Variants in KSR1 observed in about 807,000 individuals in gnomAD.
The protein encoded by KSR1 is kinase suppressor of ras 1.
KSR1 carries 35 observed loss-of-function variants against 92.9 expected under a neutral mutation model. That is an observed-to-expected ratio of 0.38 (90% CI 0.29 to 0.50). The LOEUF is 0.50. Among genes scored for constraint, KSR1 ranks in the 20% least tolerant of loss-of-function variants. The probability of loss-of-function intolerance (pLI) is 0.94; values close to 1 mark genes in which losing one functional copy is unlikely to be tolerated. For missense variants in KSR1, 972 were observed against 1,158.5 expected, an observed-to-expected ratio of 0.84 and a Z score of 2.34; for synonymous variants, 467 against 472.6, an observed-to-expected ratio of 0.99 and a Z score of 0.15.
chr17:27,495,578 C>T (rs148620621), intron 1 of KSR1, among the ~76,000 whole-genome samples: 6 of 152,282 alleles, frequency 3.9e-5, no homozygotes, highest in East Asian at 1.9e-4. Flanking sequence ...GATCATTTCT[C>T]GTGTCCCTTC....
intron 2 of KSR1, among the ~76,000 whole-genome samples, chr17:27,572,040 C>T (rs929720807): frequency 4.6e-5 from 7 of 152,200 alleles, no homozygotes; most frequent in African/African-American, 9.6e-5. Context: ...GGGGGTAGCA[C>T]GTTGCCCAAA....
intron 1 of KSR1, among the ~76,000 whole-genome samples, chr17:27,489,532 T>G (rs2068760112): frequency 6.6e-6 from 1 of 152,208 alleles, no homozygotes; most frequent in Non-Finnish European, 1.5e-5. Context: ...CTTCATCCCC[T>G]CTTTAGACTA....
At chr17:27,558,911 C>T (rs369387925) in intron 2 of KSR1, among the ~76,000 whole-genome samples, 2 of 152,152 alleles carry the variant, frequency 1.3e-5, no homozygotes, top group South Asian at 4.1e-4. Context: ...CTGACCTTGA[C>T]TCTTCATGGC....
intron 2 of KSR1, among the ~76,000 whole-genome samples, chr17:27,564,580 T>A (rs2071981939): frequency 6.6e-6 from 1 of 152,208 alleles, no homozygotes; most frequent in Non-Finnish European, 1.5e-5. Context: ...CACAGGCAGC[T>A]GAGCCTCACT....
At chr17:27,564,968 C>G (rs748971360) in intron 2 of KSR1, among the ~76,000 whole-genome samples, 1 of 152,140 alleles carries the variant, frequency 6.6e-6, no homozygotes, top group Non-Finnish European at 1.5e-5. Context: ...TTATTTCTCT[C>G]ACTATGAAAT....
Position 27,603,974 on chromosome 17 carries a change from C to G in KSR1, c.1565+86C>G, listed in dbSNP as rs536389974. 1.5e-4 allele frequency: 201 copies of G among 1,333,744 alleles called. 2 individuals carry two copies. The South Asian group carries it at 2.3e-3, about 15-fold the overall frequency. The allele number at this position is 1,333,744 out of a possible 1,614,324, so 82.6% of individuals were successfully genotyped here. On this transcript the variant is annotated intron_variant, in intron 12 of 20. Coordinates refer to ENST00000644974, the MANE Select transcript of KSR1 (RefSeq NM_001394583.1). ...TATCCCTGGCCACCTCCCACTCCAC[C>G]TTTCCATCTCCAGCCAGCCAGATGC...
Position 27,556,165 on chromosome 17 carries a change from A to G in KSR1, c.372+5457A>G, listed in dbSNP as rs1157863734. On this transcript the variant is annotated intron_variant, in intron 2 of 20. Coordinates refer to ENST00000644974, the MANE Select transcript of KSR1 (RefSeq NM_001394583.1). ...GGCTGGATTTTAGTGAATGTTTCCAAAGTGTCTTTTAAAATACAATAAAAG... is the reference window on the plus strand; with the variant it reads ...GGCTGGATTTTAGTGAATGTTTCCAGAGTGTCTTTTAAAATACAATAAAAG... Among the ~76,000 whole-genome samples, 4 of 152,228 alleles carry G rather than the reference A, an allele frequency of 2.6e-5. No homozygotes were observed. In the East Asian group the frequency reaches 5.8e-4, roughly 22 times the overall value.
intron 1 of KSR1, among the ~76,000 whole-genome samples, chr17:27,484,262 C>T (rs538822942): frequency 2.0e-4 from 31 of 152,308 alleles, no homozygotes; most frequent in African/African-American, 6.3e-4. Flanking sequence ...GACAGGTTCT[C>T]GCTCTGTCGC....
chr17:27,598,463 A>G (rs930004640), intron 10 of KSR1, among the ~76,000 whole-genome samples: 1 of 152,110 alleles, frequency 6.6e-6, no homozygotes, highest in African/African-American at 2.4e-5. Flanking sequence ...GACGGTGGAG[A>G]CGGAGATCTT....
intron 1 of KSR1, among the ~76,000 whole-genome samples, chr17:27,506,068 C>T (rs56214005): frequency 0.47 from 71,860 of 152,068 alleles, 18,685 homozygotes; most frequent in East Asian, 0.69. Flanking sequence ...GGTTCAGGGC[C>T]CCCACCTAAC....
In KSR1 at chr17:27,605,467, G is replaced by A. The variant is rs1414314328; in HGVS notation, c.1648G>A (p.Glu550Lys). The A allele has an allele frequency of 3.7e-6, 6 of 1,609,316 alleles. No individual in the cohort carries two copies. Among genetic ancestry groups the A allele is most frequent in the Admixed American group, 3.4e-5 (2 of 59,558 alleles). ...GCCAGAGGCTGGCAAGTCAGAGGCA[G>A]AAGACGATGAGGACGAGGTGGACGA... ...EEPEAGKSEAEDDEDEVDDLP... is the reference protein window; with the variant it reads ...EEPEAGKSEAKDDEDEVDDLP... Residue 550 changes from glutamate to lysine, a missense_variant, in exon 14 of 21, where the codon GAA becomes AAA. This residue lies in a region of KSR1 where 611 missense variants were observed against 668.0 expected (regional missense o/e 0.91). Transcript: ENST00000644974.
chr17:27,595,335 C>T lies in KSR1; in HGVS notation c.1300-1933C>T, dbSNP rs536266836. 2.0e-5 allele frequency among the ~76,000 whole-genome samples: 3 copies of T among 152,350 alleles called. No homozygotes were observed. In the South Asian group the frequency reaches 6.2e-4, roughly 32 times the overall value. On this transcript the variant is annotated intron_variant, in intron 9 of 20. Coordinates refer to ENST00000644974, the MANE Select transcript of KSR1 (RefSeq NM_001394583.1). Reference sequence around the variant, plus strand: ...TTCTGGGTGCTCCTAGCTAGCAGGTCTGCAAAAGAATGTGGAACAAACATG... The same window carrying T: ...TTCTGGGTGCTCCTAGCTAGCAGGTTTGCAAAAGAATGTGGAACAAACATG...
intron 12 of KSR1, among the ~76,000 whole-genome samples, chr17:27,604,277 A>G (rs1567879145): frequency 6.6e-6 from 1 of 152,194 alleles, no homozygotes; most frequent in Non-Finnish European, 1.5e-5. Context: ...TGTCATTCTT[A>G]ACATACAGCC....
At chr17:27,568,804 T>C (rs1028627905) in intron 2 of KSR1, among the ~76,000 whole-genome samples, 4 of 152,204 alleles carry the variant, frequency 2.6e-5, no homozygotes, top group African/African-American at 9.6e-5. Flanking sequence ...GTGTCCCTGT[T>C]GAGGGGCACG....
chr17:27,611,664 CTGGAGGTGGGG>C, intron 18 of KSR1, 35 bp downstream of exon 18: 1 of 1,612,254 alleles, frequency 6.2e-7, no homozygotes, highest in Non-Finnish European at 8.5e-7. Flanking sequence ...AGCAGTAGGG[CTGGAGGTGGGG>C]TGGGGCATGT....
intron 9 of KSR1, among the ~76,000 whole-genome samples, chr17:27,596,201 A>G (rs1266670551): frequency 6.6e-6 from 1 of 152,252 alleles, no homozygotes; most frequent in African/African-American, 2.4e-5. Flanking sequence ...TCATCTGGTT[A>G]TCACACTTGC....
At chr17:27,572,279 A>G (rs1459083650) in intron 2 of KSR1, among the ~76,000 whole-genome samples, 1 of 152,172 alleles carries the variant, frequency 6.6e-6, no homozygotes. Flanking sequence ...TCTGCTCCTC[A>G]TTCCTGCATC....
Position 27,597,361 on chromosome 17 carries a change from TCATCCAACC to T in KSR1, c.1400_1408del (p.Asn467_Ser469del). On this transcript the variant is annotated inframe_deletion, in exon 10 of 21. Coordinates refer to ENST00000644974, the MANE Select transcript of KSR1 (RefSeq NM_001394583.1). ...CTCCTCACCGGCGCCCTTCCCGACA[TCATCCAACC>T]CATCCAGCGCCACCACGCCCCCCAA... is the stretch of plus-strand genomic sequence containing the variant. 6.2e-7 allele frequency: 1 copy of T among 1,613,716 alleles called. No individual in the cohort carries two copies. The highest frequency in any genetic ancestry group is 1.3e-5 in the African/African-American group (1 of 74,990).
At chr17:27,609,834 T>G in intron 16 of KSR1, 2 of 449,820 alleles carry the variant, frequency 4.4e-6, no homozygotes, top group Non-Finnish European at 7.9e-6. Context: ...TCCCTGTCAA[T>G]ATTTATCCAT....
Sources: gnomAD v4.1 joint callset for allele counts (sites outside exome capture counted in the v4.1 genomes callset) on GRCh38, gnomAD v4.1.1 for gene constraint, gnomAD v4.1.1 regional missense constraint, MANE v1.5 for transcripts, NCBI Gene and HGNC (gene_info 2026-07-23, HGNC 2026-07-21) for gene names.